CELF4: variants seen among roughly 807,000 people sequenced by gnomAD.
The protein encoded by CELF4 is CUG-BP- and ETR-3-like factor 4.
Under a neutral mutation model 59.9 loss-of-function variants are expected in CELF4, and 18 were observed. The ratio of observed to expected loss-of-function variants is 0.30; its 90% CI spans 0.21 to 0.45. The LOEUF (loss-of-function observed/expected upper bound fraction) is 0.45. CELF4 is among the 20% of genes least tolerant of loss of function. The pLI is 1.00. For synonymous variants in CELF4, 261 were observed against 267.1 expected (o/e 0.98, Z 0.22); for missense variants, 456 against 689.0 (o/e 0.66, Z 3.79).
chr18:37,456,756 A>G (rs1248424437), intron 2 of CELF4, among the ~76,000 whole-genome samples: 4 of 152,150 alleles, frequency 2.6e-5, no homozygotes, highest in African/African-American at 9.7e-5. Context: ...TCTGGGGCCT[A>G]TTCCTGATGC....
chr18:37,281,659 G>T (rs1415563518), intron 3 of CELF4, among the ~76,000 whole-genome samples: 1 of 152,160 alleles, frequency 6.6e-6, no homozygotes, highest in African/African-American at 2.4e-5. Flanking sequence ...TGATGACAGA[G>T]CTGGAGGCCT....
At chr18:37,556,833 A>T (rs894711735) in intron 1 of CELF4, among the ~76,000 whole-genome samples, 2 of 152,180 alleles carry the variant, frequency 1.3e-5, no homozygotes, top group African/African-American at 4.8e-5. Context: ...ATAATGAACA[A>T]ACAGCCACGT....
intron 12 of CELF4, among the ~76,000 whole-genome samples, chr18:37,251,421 C>T (rs1293249640): frequency 1.3e-5 from 2 of 152,162 alleles, no homozygotes; most frequent in Non-Finnish European, 2.9e-5. Flanking sequence ...CTTCTCACTC[C>T]TTCATCTGGG....
chr18:37,429,445 G>A (rs1278966417), intron 2 of CELF4, among the ~76,000 whole-genome samples: 1 of 152,166 alleles, frequency 6.6e-6, no homozygotes, highest in Non-Finnish European at 1.5e-5. Context: ...GTGTGTGCAT[G>A]TCTGTGAGTG....
At chr18:37,379,071 A>G (rs1221392714) in intron 2 of CELF4, among the ~76,000 whole-genome samples, 2 of 152,146 alleles carry the variant, frequency 1.3e-5, no homozygotes, top group African/African-American at 4.8e-5. Context: ...TGTCCTGCTT[A>G]GGCTAGGAGA....
At position 37,537,933 on chromosome 18, in the gene CELF4, C is replaced by T. The variant is rs72891102; in HGVS notation, c.286+27423G>A. Reference sequence around the variant, plus strand: ...ACCTGGTGTCCCATCATGGGCTCACCCCACGGGGCTGTGTGATTGGGGCAC... The same window carrying T: ...ACCTGGTGTCCCATCATGGGCTCACTCCACGGGGCTGTGTGATTGGGGCAC... On this transcript the variant is annotated intron_variant, in intron 1 of 12. Coordinates refer to ENST00000420428, the MANE Select transcript of CELF4 (RefSeq NM_020180.4). 4.5e-3 allele frequency among the ~76,000 whole-genome samples: 684 copies of T among 152,320 alleles called. 5 individuals are homozygous for T. The highest frequency in any genetic ancestry group is 7.1e-3 in the Non-Finnish European group (485 of 68,020).
chr18:37,296,699 T>A (rs1030315417), intron 3 of CELF4, among the ~76,000 whole-genome samples: 1 of 152,110 alleles, frequency 6.6e-6, no homozygotes, highest in Non-Finnish European at 1.5e-5. Context: ...TCCTCCCCAA[T>A]CTTGAAACGC....
chr18:37,338,332 C>G (rs956451199), intron 2 of CELF4, among the ~76,000 whole-genome samples: 3 of 130,984 alleles, frequency 2.3e-5, no homozygotes, highest in Non-Finnish European at 4.7e-5. Context: ...ACTGCCACCA[C>G]CACCACTGTC....
At chr18:37,553,188 A>T (rs1420723231) in intron 1 of CELF4, among the ~76,000 whole-genome samples, 1 of 151,984 alleles carries the variant, frequency 6.6e-6, no homozygotes, top group Non-Finnish European at 1.5e-5. Flanking sequence ...CAATAAAAAG[A>T]TTTTTTTTTT....
At chr18:37,489,465 T>G (rs2099892852) in intron 1 of CELF4, among the ~76,000 whole-genome samples, 1 of 152,010 alleles carries the variant, frequency 6.6e-6, no homozygotes, top group Non-Finnish European at 1.5e-5. Context: ...GGACACTCAC[T>G]GCTCTCTCCT....
chr18:37,479,288 A>C (rs1037629334), intron 2 of CELF4, among the ~76,000 whole-genome samples: 3 of 152,228 alleles, frequency 2.0e-5, no homozygotes, highest in African/African-American at 7.2e-5. Context: ...AATGAGAACC[A>C]GCAAGTAAGG....
chr18:37,498,535 C>T (rs2154603794), intron 1 of CELF4, among the ~76,000 whole-genome samples: 1 of 151,300 alleles, frequency 6.6e-6, no homozygotes, highest in Middle Eastern at 3.4e-3. Flanking sequence ...CCTTCTCCCT[C>T]CCTCCCTTCC....
At chr18:37,292,385 A>T (rs1365545243) in intron 3 of CELF4, among the ~76,000 whole-genome samples, 1 of 152,192 alleles carries the variant, frequency 6.6e-6, no homozygotes, top group Non-Finnish European at 1.5e-5. Flanking sequence ...ATTTGGGGGC[A>T]AGTGGGGGCA....
chr18:37,473,580 A>C (rs920264970), intron 2 of CELF4: 19 of 152,278 alleles, frequency 1.2e-4, no homozygotes, highest in African/African-American at 4.6e-4. Flanking sequence ...TGGAATAAAC[A>C]TGCAGAGTTA....
At chr18:37,441,425 C>T (rs2099720958) in intron 2 of CELF4, among the ~76,000 whole-genome samples, 1 of 152,018 alleles carries the variant, frequency 6.6e-6, no homozygotes, top group Non-Finnish European at 1.5e-5. Context: ...TTTGTATTTT[C>T]CAATGTTAAG....
chr18:37,412,285 G>A (rs2099471807), intron 2 of CELF4, among the ~76,000 whole-genome samples: 1 of 152,194 alleles, frequency 6.6e-6, no homozygotes, highest in African/African-American at 2.4e-5. Context: ...TGCTGTCTGA[G>A]GATACAGAGG....
chr18:37,430,855 G>C (rs2099644945), intron 2 of CELF4, among the ~76,000 whole-genome samples: 1 of 152,188 alleles, frequency 6.6e-6, no homozygotes, highest in South Asian at 2.1e-4. Flanking sequence ...TGGGGATCTG[G>C]CACATTAGCA....
chr18:37,356,840 G>A (rs546049049), intron 2 of CELF4, among the ~76,000 whole-genome samples: 4 of 152,302 alleles, frequency 2.6e-5, no homozygotes, highest in African/African-American at 9.6e-5. Flanking sequence ...GGCAGCCTGG[G>A]TTTATGCCAG....
At chr18:37,331,835 C>T (rs953870218) in intron 2 of CELF4, among the ~76,000 whole-genome samples, 3 of 151,706 alleles carry the variant, frequency 2.0e-5, no homozygotes, top group South Asian at 2.1e-4. Flanking sequence ...TGCGGCAAGT[C>T]GCCGAGGGTG....
Sources: allele counts gnomAD v4.1 joint callset (sites outside exome capture counted in the v4.1 genomes callset), GRCh38; gene constraint gnomAD v4.1.1; transcripts MANE v1.5; gene names NCBI Gene and HGNC (gene_info 2026-07-23, HGNC 2026-07-21).